Variants in C2CD5 observed in about 807,000 individuals in gnomAD.
The protein encoded by C2CD5 is C2 domain-containing protein 5.
A neutral mutation model predicts 130.3 loss-of-function variants in C2CD5; 109 were observed. The observed-to-expected ratio is 0.84, with a 90% confidence interval of 0.72 to 0.98. C2CD5 has a LOEUF of 0.98. Ranked by LOEUF, C2CD5 falls within the 50% of genes least tolerant of loss-of-function variation. C2CD5 has a pLI of 0.00. For missense variants in C2CD5, 996 were observed against 1,261.8 expected, an observed-to-expected ratio of 0.79 and a Z score of 3.19; for synonymous variants, 454 against 429.2, an observed-to-expected ratio of 1.06 and a Z score of -0.71.
chr12:22,479,378 C>T (rs527643380), intron 14 of C2CD5, among the ~76,000 whole-genome samples: 9 of 151,566 alleles, frequency 5.9e-5, no homozygotes, highest in African/African-American at 1.9e-4. Flanking sequence ...CCGGACCTAC[C>T]TCATAATTTA....
chr12:22,508,381 T>C (rs1948822192), intron 9 of C2CD5, among the ~76,000 whole-genome samples: 1 of 152,232 alleles, frequency 6.6e-6, no homozygotes, highest in African/African-American at 2.4e-5. Context: ...ACGTCACTTA[T>C]AATAAATGTA....
At chr12:22,518,191 A>T in intron 7 of C2CD5, 54 bp from the exon 8 acceptor site, 1 of 1,531,206 alleles carries the variant, frequency 6.5e-7, no homozygotes, top group East Asian at 2.3e-5. Flanking sequence ...AGGACTTGAC[A>T]GGTGGCAGCA....
intron 3 of C2CD5, among the ~76,000 whole-genome samples, chr12:22,529,330 T>C (rs993284386): frequency 2.0e-5 from 3 of 152,188 alleles, no homozygotes; most frequent in Non-Finnish European, 2.9e-5. Flanking sequence ...ACCAAACCAT[T>C]AACCATTACT....
At chr12:22,475,785 A>C (rs1009949257) in intron 15 of C2CD5, among the ~76,000 whole-genome samples, 1 of 152,168 alleles carries the variant, frequency 6.6e-6, no homozygotes, top group Non-Finnish European at 1.5e-5. Context: ...TTTGTACTCC[A>C]AATTAATCTG....
chr12:22,519,491 G>A (rs1020783730), intron 7 of C2CD5, among the ~76,000 whole-genome samples: 1 of 151,892 alleles, frequency 6.6e-6, no homozygotes, highest in African/African-American at 2.4e-5. Context: ...AAAATAGCAA[G>A]CAGAATAGTC....
chr12:22,500,322 A>G (rs1947600169), intron 10 of C2CD5, among the ~76,000 whole-genome samples: 1 of 152,190 alleles, frequency 6.6e-6, no homozygotes, highest in Non-Finnish European at 1.5e-5. Flanking sequence ...AGCATGAAGT[A>G]ACTATGTAAA....
chr12:22,524,689 G>C, intron 5 of C2CD5, 62 bp from the exon 6 acceptor site: 2 of 1,278,864 alleles, frequency 1.6e-6, no homozygotes. Flanking sequence ...TTTAAAAAAT[G>C]TACATCTCAA....
chr12:22,481,049 C>A (rs1255192231), intron 14 of C2CD5, among the ~76,000 whole-genome samples: 1 of 152,132 alleles, frequency 6.6e-6, no homozygotes, highest in East Asian at 1.9e-4. Context: ...GAACGATCTG[C>A]CCACCTCAGC....
At chr12:22,530,655 C>T (rs1487556230) in intron 3 of C2CD5, among the ~76,000 whole-genome samples, 1 of 151,928 alleles carries the variant, frequency 6.6e-6, no homozygotes, top group Non-Finnish European at 1.5e-5. Flanking sequence ...CGGGGTTTCA[C>T]TCTGTTGCCC....
Position 22,490,196 on chromosome 12 carries a change from C to G in C2CD5, c.1285G>C (p.Ala429Pro). The G allele has an allele frequency of 6.2e-7, 1 of 1,613,014 alleles. No homozygotes were observed. The change falls in exon 12 of 27, where the codon GCA becomes CCA. Residue 429 changes from alanine (A) to proline (P), a missense_variant. Transcript: ENST00000446597. ...TTCAGTACAGCCGCTGTGCCAGATG[C>G]AGATAAAATGCAGACCTCTTCACTA... ...SICEEVCILS[A>P]SGTAAVLNPR... is the part of the protein sequence containing the mutation.
intron 14 of C2CD5, among the ~76,000 whole-genome samples, chr12:22,479,296 A>G (rs1591772578): frequency 6.6e-6 from 1 of 151,654 alleles, no homozygotes; most frequent in East Asian, 1.9e-4. Context: ...CTGGTCTCCA[A>G]CTCCTGACCT....
At chr12:22,464,751 T>C (rs1042097335) in intron 22 of C2CD5, among the ~76,000 whole-genome samples, 1 of 152,294 alleles carries the variant, frequency 6.6e-6, no homozygotes, top group South Asian at 2.1e-4. Flanking sequence ...CAAAATATAT[T>C]TTTTAAAAAA....
At chr12:22,538,870 C>T (rs939682944) in intron 2 of C2CD5, among the ~76,000 whole-genome samples, 5 of 151,986 alleles carry the variant, frequency 3.3e-5, no homozygotes, top group South Asian at 2.1e-4. Context: ...GACAAGCCCA[C>T]GCTTCATTAT....
intron 10 of C2CD5, among the ~76,000 whole-genome samples, chr12:22,494,827 G>T (rs1364530741): frequency 6.6e-6 from 1 of 152,058 alleles, no homozygotes; most frequent in Non-Finnish European, 1.5e-5. Flanking sequence ...TTGTGTTAAA[G>T]AATTTCTTCA....
intron 2 of C2CD5, among the ~76,000 whole-genome samples, chr12:22,536,067 G>A (rs528154397): frequency 3.1e-4 from 47 of 151,590 alleles, no homozygotes; most frequent in Non-Finnish European, 5.6e-4. Flanking sequence ...ATAGAATAAA[G>A]CAGTTCTCCA....
intron 25 of C2CD5, 43 bp from the exon 26 acceptor site, chr12:22,454,085 G>A: frequency 6.8e-7 from 1 of 1,467,054 alleles, no homozygotes; most frequent in Non-Finnish European, 9.5e-7. Flanking sequence ...ATATACATGT[G>A]TATGGATATA....
At chr12:22,522,212 A>G (rs1950332966) in intron 7 of C2CD5, among the ~76,000 whole-genome samples, 1 of 152,202 alleles carries the variant, frequency 6.6e-6, no homozygotes, top group Non-Finnish European at 1.5e-5. Context: ...TTGACTTAGA[A>G]GAATCTCTAG....
chr12:22,530,817 T>C (rs1225478415), intron 3 of C2CD5, among the ~76,000 whole-genome samples: 1 of 152,144 alleles, frequency 6.6e-6, no homozygotes, highest in Non-Finnish European at 1.5e-5. Flanking sequence ...AAAATAAATA[T>C]ATTATTTTTC....
At chr12:22,476,471 C>T (rs1380388370) in intron 15 of C2CD5, among the ~76,000 whole-genome samples, 1 of 152,040 alleles carries the variant, frequency 6.6e-6, no homozygotes, top group Non-Finnish European at 1.5e-5. Context: ...ACATGAAATT[C>T]ATATATGTTA....
Sources: allele counts gnomAD v4.1 joint callset (sites outside exome capture counted in the v4.1 genomes callset), GRCh38; gene constraint gnomAD v4.1.1; transcripts MANE v1.5; gene names NCBI Gene and HGNC (gene_info 2026-07-23, HGNC 2026-07-21).